The following MCTP1 variants were observed in gnomAD, a reference collection of about 807,000 sequenced individuals.
MCTP1 encodes the protein multiple C2 and transmembrane domain containing 1.
Under a neutral mutation model 120.6 loss-of-function variants are expected in MCTP1, and 69 were observed. That is an observed-to-expected ratio of 0.57 (90% confidence interval 0.47 to 0.70). MCTP1 has a LOEUF of 0.70. MCTP1 is among the 30% of genes least tolerant of loss of function. The pLI is 0.00. For synonymous variants in MCTP1, 529 were observed against 493.1 expected (o/e 1.07, Z -0.96); for missense variants, 1,203 against 1,248.8 (o/e 0.96, Z 0.55).
intron 10 of MCTP1, among the ~76,000 whole-genome samples, chr5:94,905,339 G>T (rs953051324): frequency 2.0e-5 from 3 of 152,186 alleles, no homozygotes; most frequent in African/African-American, 7.2e-5. Flanking sequence ...CCTAGATTAT[G>T]ATGCAAAACA....
chr5:95,172,912 G>A (rs1747511025), intron 1 of MCTP1, among the ~76,000 whole-genome samples: 2 of 152,230 alleles, frequency 1.3e-5, no homozygotes, highest in South Asian at 4.1e-4. Context: ...ATAAGTATAT[G>A]CATTCATTGA....
chr5:95,068,850 AT>A (rs1751366004), intron 1 of MCTP1: 1 of 1,245,742 alleles, frequency 8.0e-7, no homozygotes, highest in East Asian at 6.0e-5. Context: ...AATTATAAAA[AT>A]TTTACGTAAT....
At chr5:94,777,927 CGTGTGTGTGTGTGT>C (rs71615135) in intron 19 of MCTP1, among the ~76,000 whole-genome samples, 1 of 148,850 alleles carries the variant, frequency 6.7e-6, no homozygotes, top group Non-Finnish European at 1.5e-5. Context: ...AGAAAGTGTG[CGTGTGTGTGTGTGT>C]GTGTGTGTGT....
In MCTP1 at chr5:94,894,717, T is replaced by G. The variant is rs1803490647; in HGVS notation, c.1771A>C (p.Ser591Arg). 6.2e-7 allele frequency: 1 copy of G among 1,613,832 alleles called. No individual in the cohort carries two copies. The highest frequency in any genetic ancestry group is 8.5e-7 in the Non-Finnish European group (1 of 1,179,836). ...LVTLTASATV[S>R]ISDLSVNSLE... ...GAGTTGACAGACAGGTCAGAGATGC[T>G]GACTGTGGCTGATGCTGTCAGAGTG... Residue 591 changes from serine (S) to arginine (R), a missense_variant, in exon 11 of 23, where the codon AGC becomes CGC. By Grantham distance (110) the Ser-to-Arg change is moderately radical. Around this residue, in one of 2 missense-constraint regions of MCTP1, gnomAD observed 740 missense variants for 871.1 expected, o/e 0.85. Coordinates refer to ENST00000515393, the MANE Select transcript of MCTP1 (RefSeq NM_024717.7).
intron 19 of MCTP1, among the ~76,000 whole-genome samples, chr5:94,758,011 G>T (rs995451154): frequency 6.6e-6 from 1 of 152,162 alleles, no homozygotes; most frequent in Admixed American, 6.5e-5. Flanking sequence ...GTTTAGTAAG[G>T]TGTTATAGAT....
intron 19 of MCTP1, among the ~76,000 whole-genome samples, chr5:94,742,926 C>T (rs1386991102): frequency 6.6e-6 from 1 of 151,868 alleles, no homozygotes; most frequent in Non-Finnish European, 1.5e-5. Flanking sequence ...ATGCACAGTC[C>T]CTGCCTGTAA....
At chr5:94,933,325 A>G (rs956241177) in intron 5 of MCTP1, among the ~76,000 whole-genome samples, 8 of 151,822 alleles carry the variant, frequency 5.3e-5, no homozygotes, top group African/African-American at 2.4e-5. Flanking sequence ...AGAGGTGGCC[A>G]TCTAGGGGGA....
intron 1 of MCTP1, among the ~76,000 whole-genome samples, chr5:95,188,171 A>C (rs1382682838): frequency 6.6e-6 from 1 of 152,224 alleles, no homozygotes; most frequent in Non-Finnish European, 1.5e-5. Context: ...GTTCAACACC[A>C]TTAACCATTA....
chr5:94,858,309 A>G (rs1795085650), intron 17 of MCTP1, among the ~76,000 whole-genome samples: 1 of 151,672 alleles, frequency 6.6e-6, no homozygotes, highest in African/African-American at 2.4e-5. Flanking sequence ...TGATTACCAT[A>G]CACACATCTC....
At chr5:95,130,951 A>T (rs1042991657) in intron 1 of MCTP1, among the ~76,000 whole-genome samples, 1 of 152,146 alleles carries the variant, frequency 6.6e-6, no homozygotes, top group African/African-American at 2.4e-5. Flanking sequence ...CTGCCTTTAC[A>T]TTTGTTTGAG....
intron 4 of MCTP1, among the ~76,000 whole-genome samples, chr5:94,942,099 C>T (rs1817869961): frequency 6.6e-6 from 1 of 151,980 alleles, no homozygotes; most frequent in Admixed American, 6.6e-5. Flanking sequence ...GTGCTTAGCA[C>T]AGTACTGGGG....
chr5:95,033,979 C>T (rs886216180), intron 1 of MCTP1, among the ~76,000 whole-genome samples: 3 of 151,650 alleles, frequency 2.0e-5, no homozygotes, highest in African/African-American at 7.3e-5. Context: ...AATAGCCACA[C>T]ACAAAAAATC....
At chr5:94,750,696 T>C (rs553356309) in intron 19 of MCTP1, among the ~76,000 whole-genome samples, 39 of 152,302 alleles carry the variant, frequency 2.6e-4, no homozygotes, top group African/African-American at 9.1e-4. Flanking sequence ...GATCGACAGA[T>C]AGTATAAGCA....
chr5:95,172,055 C>A (rs760604517), intron 1 of MCTP1, among the ~76,000 whole-genome samples: 1 of 152,152 alleles, frequency 6.6e-6, no homozygotes, highest in African/African-American at 2.4e-5. Context: ...TACCTTTGAT[C>A]TTTGATGATG....
At chr5:95,126,692 C>G (rs1162843687) in intron 1 of MCTP1, among the ~76,000 whole-genome samples, 11 of 152,086 alleles carry the variant, frequency 7.2e-5, no homozygotes, top group Non-Finnish European at 1.5e-5. Context: ...TGGGATCATG[C>G]TATACTACAT....
chr5:94,926,034 A>G (rs1256215070), intron 6 of MCTP1, among the ~76,000 whole-genome samples: 1 of 152,230 alleles, frequency 6.6e-6, no homozygotes, highest in African/African-American at 2.4e-5. Context: ...ACAGGGAAAT[A>G]AAATTAAAGG....
chr5:94,851,609 C>T (rs1339028771), intron 17 of MCTP1, among the ~76,000 whole-genome samples: 2 of 151,966 alleles, frequency 1.3e-5, no homozygotes, highest in African/African-American at 2.4e-5. Context: ...TATTCTTCTA[C>T]TTGATTTTCG....
chr5:94,998,826 T>A (rs1833101537), intron 2 of MCTP1, among the ~76,000 whole-genome samples: 1 of 152,158 alleles, frequency 6.6e-6, no homozygotes, highest in South Asian at 2.1e-4. Context: ...ACTCACTGAG[T>A]GAGTGCTTGA....
chr5:94,937,722 G>T (rs577302755), intron 5 of MCTP1, among the ~76,000 whole-genome samples: 6 of 152,124 alleles, frequency 3.9e-5, no homozygotes, highest in African/African-American at 9.6e-5. Context: ...TCATCGTAAG[G>T]TCTCCTGATA....
Sources: gnomAD v4.1 joint callset for allele counts (sites outside exome capture counted in the v4.1 genomes callset) on GRCh38, gnomAD v4.1.1 for gene constraint, gnomAD v4.1.1 regional missense constraint, MANE v1.5 for transcripts, NCBI Gene and HGNC (gene_info 2026-07-23, HGNC 2026-07-21) for gene names.